APBA2: variants seen among roughly 807,000 people sequenced by gnomAD.
The protein encoded by APBA2 is amyloid beta precursor protein binding family A member 2.
Under a neutral mutation model 75.0 loss-of-function variants are expected in APBA2, and 30 were observed. The observed-to-expected ratio is 0.40, with a 90% CI of 0.30 to 0.54. The LOEUF (loss-of-function observed/expected upper bound fraction) is 0.54. Among genes scored for constraint, APBA2 ranks in the 20% least tolerant of loss-of-function variants. The pLI is 0.49. For synonymous variants in APBA2, 444 were observed against 409.6 expected (o/e 1.08, Z -1.01); for missense variants, 801 against 1,016.1 (o/e 0.79, Z 2.88).
At chr15:28,966,432 T>G (rs963599956) in intron 2 of APBA2, among the ~76,000 whole-genome samples, 2 of 152,246 alleles carry the variant, frequency 1.3e-5, no homozygotes, top group Non-Finnish European at 2.9e-5. Context: ...TTTATTATTA[T>G]GTAATATTAT....
chr15:29,004,751 C>G (rs1266785434), intron 3 of APBA2, among the ~76,000 whole-genome samples: 3 of 152,188 alleles, frequency 2.0e-5, no homozygotes, highest in African/African-American at 7.2e-5. Flanking sequence ...ACGATCTCTG[C>G]TCACCGTACC....
chr15:28,939,105 G>A (rs2035041056), intron 2 of APBA2, among the ~76,000 whole-genome samples: 1 of 152,168 alleles, frequency 6.6e-6, no homozygotes, highest in African/African-American at 2.4e-5. Flanking sequence ...GTGGAATCGT[G>A]CAGTATTTGT....
At chr15:29,074,041 G>A (rs1241173944) in intron 4 of APBA2, among the ~76,000 whole-genome samples, 2 of 152,122 alleles carry the variant, frequency 1.3e-5, no homozygotes, top group African/African-American at 4.8e-5. Flanking sequence ...GGCACTCTTG[G>A]TGGGAACGTA....
At chr15:29,048,912 C>T (rs150067393) in intron 3 of APBA2, among the ~76,000 whole-genome samples, 2,356 of 150,692 alleles carry the variant, frequency 0.016, 73 homozygotes, top group African/African-American at 0.055. Context: ...CACTGCACTC[C>T]GGCCTGGCAA....
intron 3 of APBA2, among the ~76,000 whole-genome samples, chr15:29,016,786 C>A (rs1004052459): frequency 6.6e-6 from 1 of 152,008 alleles, no homozygotes; most frequent in African/African-American, 2.4e-5. Context: ...CTGGGCTTTT[C>A]TTTCCCCTCC....
chr15:29,076,173 C>A (rs1399077272), intron 6 of APBA2, 82 bp downstream of exon 6: 13 of 1,436,358 alleles, frequency 9.1e-6, no homozygotes, highest in Non-Finnish European at 1.3e-5. Flanking sequence ...TGGGCATTCA[C>A]CTGCAAAGCT....
chr15:29,109,142 C>A (rs2044597170), intron 13 of APBA2, among the ~76,000 whole-genome samples: 1 of 152,224 alleles, frequency 6.6e-6, no homozygotes, highest in South Asian at 2.1e-4. Context: ...AGGAGAGACA[C>A]TGCGGGCTGG....
intron 8 of APBA2, among the ~76,000 whole-genome samples, chr15:29,098,104 G>A (rs1035943667): frequency 3.9e-5 from 6 of 152,188 alleles, no homozygotes; most frequent in East Asian, 1.9e-4. Flanking sequence ...TAGTGCTGCC[G>A]TGAGCATGGG....
At chr15:29,098,436 TC>T (rs2152958319) in intron 8 of APBA2, 53 bp from the exon 9 acceptor site, 1 of 1,244,360 alleles carries the variant, frequency 8.0e-7, no homozygotes, top group African/African-American at 1.5e-5. Flanking sequence ...TATTTGCATG[TC>T]CTCTATTCCG....
chr15:29,079,064 G>A (rs1023002024), intron 6 of APBA2, among the ~76,000 whole-genome samples: 1 of 152,182 alleles, frequency 6.6e-6, no homozygotes, highest in Non-Finnish European at 1.5e-5. Flanking sequence ...GGGCATCCAG[G>A]GCTTTGAGCT....
chr15:29,030,798 G>T (rs548435940), intron 3 of APBA2, among the ~76,000 whole-genome samples: 1 of 151,618 alleles, frequency 6.6e-6, no homozygotes, highest in African/African-American at 2.4e-5. Context: ...TTAGGTACGG[G>T]GTTCTAAATA....
At position 28,943,609 on chromosome 15, in the gene APBA2, G is replaced by A. The variant is rs181355993; in HGVS notation, c.-95+21860G>A. On this transcript the variant is annotated intron_variant, in intron 2 of 14. Transcript: ENST00000683413. ...TGCAGATGTCTCAGCCATCCCGAGCGTGACCATTCTGAGTGGCGGGAAGCT... is the reference window on the plus strand; with the variant it reads ...TGCAGATGTCTCAGCCATCCCGAGCATGACCATTCTGAGTGGCGGGAAGCT... 4.3e-3 allele frequency among the ~76,000 whole-genome samples: 660 copies of A among 152,330 alleles called. 9 individuals are homozygous for A. Among genetic ancestry groups the A allele is most frequent in the Non-Finnish European group, 3.8e-3 (257 of 68,016 alleles).
intron 9 of APBA2, among the ~76,000 whole-genome samples, chr15:29,100,898 A>G (rs969338194): frequency 6.6e-6 from 1 of 152,326 alleles, no homozygotes; most frequent in South Asian, 2.1e-4. Context: ...TGGGTTCTGC[A>G]CAGTCCATTT....
intron 4 of APBA2, among the ~76,000 whole-genome samples, chr15:29,062,126 G>C (rs1275320447): frequency 6.6e-6 from 1 of 152,096 alleles, no homozygotes; most frequent in Non-Finnish European, 1.5e-5. Flanking sequence ...CCTGGGAAGG[G>C]GAAGGTCCTC....
chr15:29,105,983 G>T (rs1031415329), intron 11 of APBA2, among the ~76,000 whole-genome samples: 4 of 152,222 alleles, frequency 2.6e-5, no homozygotes, highest in Non-Finnish European at 5.9e-5. Flanking sequence ...GGGCAGAGGA[G>T]CAAATTCCCT....
At position 28,957,198 on chromosome 15, in the gene APBA2, G is replaced by A. The variant is rs986724628; in HGVS notation, c.-95+35449G>A. 1.5e-3 allele frequency among the ~76,000 whole-genome samples: 223 copies of A among 151,892 alleles called. 2 individuals carry two copies. The highest frequency in any genetic ancestry group is 5.0e-3 in the African/African-American group (208 of 41,414). On this transcript the variant is annotated intron_variant, in intron 2 of 14. Transcript: ENST00000683413. ...CGCCATTCTCCTGCCTCAGCCTCCC[G>A]AGTAGCTGGGACTACAGGCGCCCGC...
intron 3 of APBA2, among the ~76,000 whole-genome samples, chr15:29,002,558 C>T (rs1595699843): frequency 6.6e-6 from 1 of 151,702 alleles, no homozygotes; most frequent in Admixed American, 6.6e-5. Flanking sequence ...GTGCTGGTCT[C>T]GGGGGGTCAG....
At chr15:29,014,523 A>C (rs2039559971) in intron 3 of APBA2, among the ~76,000 whole-genome samples, 1 of 152,182 alleles carries the variant, frequency 6.6e-6, no homozygotes, top group South Asian at 2.1e-4. Flanking sequence ...GCAGACAAAA[A>C]ATGCAGTTTC....
chr15:28,901,478 G>A (rs2032849558), intron 1 of APBA2, among the ~76,000 whole-genome samples: 1 of 152,238 alleles, frequency 6.6e-6, no homozygotes, highest in Non-Finnish European at 1.5e-5. Context: ...CTTCAGCACA[G>A]CTGGGATTTG....
Sources: allele counts gnomAD v4.1 joint callset (sites outside exome capture counted in the v4.1 genomes callset), GRCh38; gene constraint gnomAD v4.1.1; transcripts MANE v1.5; gene names NCBI Gene and HGNC (gene_info 2026-07-23, HGNC 2026-07-21).